Variants in COL15A1 observed in about 807,000 individuals in gnomAD.
COL15A1 encodes collagen alpha-1(XV) chain.
In COL15A1, 111 loss-of-function variants were observed where a neutral mutation model predicts 165.9. That is an observed-to-expected ratio of 0.67 (90% CI 0.57 to 0.78). The LOEUF is 0.78. Among genes scored for constraint, COL15A1 ranks in the 30% least tolerant of loss-of-function variants. The probability of loss-of-function intolerance (pLI) is 0.00; values close to 1 mark genes in which losing one functional copy is unlikely to be tolerated. For synonymous variants in COL15A1, 659 were observed against 674.8 expected (o/e 0.98, Z 0.36); for missense variants, 1,745 against 1,789.7 (o/e 0.98, Z 0.45).
chr9:98,985,667 G>A lies in COL15A1; in HGVS notation c.203G>A (p.Ser68Asn). 1 of 1,614,226 alleles carries A rather than the reference G, an allele frequency of 6.2e-7. No individual in the cohort carries two copies. Among genetic ancestry groups the A allele is most frequent in the Non-Finnish European group, 8.5e-7 (1 of 1,180,038 alleles). The change falls in exon 3 of 42, where the codon AGT becomes AAT. Residue 68 changes from serine to asparagine, a missense_variant. By Grantham distance (46) the Ser-to-Asn change is conservative. Coordinates refer to ENST00000375001, the MANE Select transcript of COL15A1 (RefSeq NM_001855.5). ...VTGYGGFPAY[S>N]FGPGANVGRP... ...GGCTATGGTGGCTTCCCGGCCTACA[G>A]TTTCGGGCCTGGTGCCAATGTTGGC... is the stretch of plus-strand genomic sequence containing the variant.
chr9:98,971,050 C>T lies in COL15A1; in HGVS notation c.101-14515C>T, dbSNP rs150956835. Reference sequence around the variant, plus strand: ...GCATGTGTTCCTGTGTGTTAGGGGGCCAAGGGGCAGGACTTCTGCTAAGGC... The same window carrying T: ...GCATGTGTTCCTGTGTGTTAGGGGGTCAAGGGGCAGGACTTCTGCTAAGGC... On this transcript the variant is annotated intron_variant, in intron 2 of 41. Coordinates refer to ENST00000375001, the MANE Select transcript of COL15A1 (RefSeq NM_001855.5). 5.3e-5 allele frequency among the ~76,000 whole-genome samples: 8 copies of T among 152,212 alleles called. No individual in the cohort carries two copies. In the East Asian group the frequency reaches 1.5e-3, roughly 29 times the overall value.
At chr9:99,003,670 C>G (rs1375457788) in intron 8 of COL15A1, 83 bp downstream of exon 8, 6 of 1,375,946 alleles carry the variant, frequency 4.4e-6, no homozygotes, top group Admixed American at 5.8e-5. Context: ...ACTGGCTTTC[C>G]CTATGTGTCT....
At chr9:98,971,737 C>T (rs532834715) in intron 2 of COL15A1, among the ~76,000 whole-genome samples, 2 of 152,310 alleles carry the variant, frequency 1.3e-5, no homozygotes, top group African/African-American at 2.4e-5. Context: ...GAGGGGTCCG[C>T]GTGTGTGCGC....
At chr9:99,040,925 C>G (rs914799368) in intron 23 of COL15A1, 13 of 228,348 alleles carry the variant, frequency 5.7e-5, no homozygotes, top group African/African-American at 2.9e-4. Flanking sequence ...CAACCATGAC[C>G]ACGATTGTGA....
rs761821984 is a variant in COL15A1, at chr9:99,062,226, T to C, written c.3532-19T>C. On this transcript the variant is annotated intron_variant, in intron 37 of 41. Coordinates refer to ENST00000375001, the MANE Select transcript of COL15A1 (RefSeq NM_001855.5). ...GTTTGTAATTGATCTTTCATTTCAA[T>C]GTACTGTTTTTCTTAAAGCTGGGAG... is the stretch of plus-strand genomic sequence containing the variant. 21 of 1,611,022 alleles carry C rather than the reference T, an allele frequency of 1.3e-5. No homozygotes were observed. The highest frequency in any genetic ancestry group is 4.5e-5 in the East Asian group (2 of 44,886).
intron 5 of COL15A1, among the ~76,000 whole-genome samples, chr9:98,992,055 G>A (rs962754334): frequency 2.0e-5 from 3 of 152,246 alleles, no homozygotes; most frequent in African/African-American, 4.8e-5. Flanking sequence ...AGCTGGCTTC[G>A]CCTAGTGGAT....
At chr9:98,963,154 C>T (rs774179796) in intron 2 of COL15A1, among the ~76,000 whole-genome samples, 5 of 152,316 alleles carry the variant, frequency 3.3e-5, no homozygotes, top group Middle Eastern at 3.4e-3. Flanking sequence ...TTGGAGGCAG[C>T]CTTCCACCCA....
At chr9:98,971,861 C>T (rs370005160) in intron 2 of COL15A1, among the ~76,000 whole-genome samples, 2 of 152,330 alleles carry the variant, frequency 1.3e-5, no homozygotes, top group South Asian at 2.1e-4. Flanking sequence ...AGCCACCCCA[C>T]GCTCTCTCTC....
At chr9:98,987,465 A>C (rs1588503259) in intron 4 of COL15A1, 97 bp downstream of exon 4, 2 of 1,200,782 alleles carry the variant, frequency 1.7e-6, no homozygotes, top group East Asian at 2.6e-5. Flanking sequence ...AGTTTCTGAA[A>C]CCTCTCATTT....
At chr9:98,976,188 A>C (rs76991032) in intron 2 of COL15A1, among the ~76,000 whole-genome samples, 3,476 of 152,310 alleles carry the variant, frequency 0.023, 119 homozygotes, top group African/African-American at 0.078. Flanking sequence ...AATATGATCA[A>C]ATTCATGAAT....
chr9:98,961,609 A>G (rs1451027308), intron 2 of COL15A1, among the ~76,000 whole-genome samples: 1 of 152,164 alleles, frequency 6.6e-6, no homozygotes, highest in Non-Finnish European at 1.5e-5. Context: ...TCTGGGATGA[A>G]AGCAGGGCCT....
At chr9:99,066,599 GTTTTTTTTTTT>G (rs67961829) in intron 39 of COL15A1, among the ~76,000 whole-genome samples, 3 of 71,040 alleles carry the variant, frequency 4.2e-5, no homozygotes, top group East Asian at 7.3e-4. Flanking sequence ...ATTTTGTTCT[GTTTTTTTTTTT>G]TTTTTTTTTT....
Position 99,055,150 on chromosome 9 carries a change from A to G in COL15A1, c.3080A>G (p.Lys1027Arg), listed in dbSNP as rs767306490. ...CTGAGACACTTTCTGAACAACTTGA[A>G]GGTGAGTATTTCTCTACCAATATTT... is the stretch of plus-strand genomic sequence containing the variant. The part of the protein sequence containing the change: ...AYLRHFLNNL[K>R]GENGDKGFKG... The change falls in exon 33 of 42, where the codon AAG becomes AGG. Residue 1027 changes from lysine to arginine, a missense_variant and splice_region_variant. By Grantham distance (26) the Lys-to-Arg change is conservative. Transcript: ENST00000375001. 12 of 1,612,752 alleles carry G rather than the reference A, an allele frequency of 7.4e-6. No homozygotes were observed. The highest frequency in any genetic ancestry group is 1.0e-5 in the Non-Finnish European group (12 of 1,178,822).
chr9:99,019,559 A>G (rs1838993085), intron 11 of COL15A1, among the ~76,000 whole-genome samples: 1 of 151,434 alleles, frequency 6.6e-6, no homozygotes, highest in African/African-American at 2.4e-5. Flanking sequence ...GTATTGGCAG[A>G]TATGTGACAG....
intron 1 of COL15A1, 35 bp from the exon 2 acceptor site, chr9:98,944,127 C>T (rs575245670): frequency 1.7e-5 from 28 of 1,614,138 alleles, no homozygotes; most frequent in East Asian, 8.9e-5. Context: ...TACTCTTGCC[C>T]GCCTCACCTT....
At chr9:99,026,360 C>T (rs968467847) in intron 16 of COL15A1, among the ~76,000 whole-genome samples, 2 of 152,200 alleles carry the variant, frequency 1.3e-5, no homozygotes, top group South Asian at 2.1e-4. Context: ...CTCATTCGCA[C>T]GGTGGCCTTG....
At chr9:98,965,149 G>C (rs56933597) in intron 2 of COL15A1, among the ~76,000 whole-genome samples, 1 of 152,232 alleles carries the variant, frequency 6.6e-6, no homozygotes, top group South Asian at 2.1e-4. Flanking sequence ...AAAAGAAAGG[G>C]GACCCAACTG....
intron 2 of COL15A1, among the ~76,000 whole-genome samples, chr9:98,963,582 C>T (rs1206269794): frequency 1.3e-5 from 2 of 152,204 alleles, no homozygotes; most frequent in Non-Finnish European, 2.9e-5. Flanking sequence ...ATGTGCTTGA[C>T]AGTAGTGTGT....
intron 2 of COL15A1, among the ~76,000 whole-genome samples, chr9:98,948,939 C>G (rs1469464920): frequency 6.6e-6 from 1 of 152,200 alleles, no homozygotes; most frequent in South Asian, 2.1e-4. Context: ...AACATGTAAT[C>G]CAGATGAAGA....
Sources: allele counts gnomAD v4.1 joint callset (sites outside exome capture counted in the v4.1 genomes callset), GRCh38; gene constraint gnomAD v4.1.1; transcripts MANE v1.5; gene names NCBI Gene and HGNC (gene_info 2026-07-23, HGNC 2026-07-21).